KSR1: variants seen among roughly 807,000 people sequenced by gnomAD.
KSR1 encodes kinase suppressor of ras.
A neutral mutation model predicts 92.9 loss-of-function variants in KSR1; 35 were observed. That is an observed-to-expected ratio of 0.38 (90% confidence interval 0.29 to 0.50). The LOEUF is 0.50. Among genes scored for constraint, KSR1 ranks in the 20% least tolerant of loss-of-function variants. KSR1 has a pLI of 0.94. For synonymous variants in KSR1, 467 were observed against 472.6 expected (o/e 0.99, Z 0.15); for missense variants, 972 against 1,158.5 (o/e 0.84, Z 2.34).
chr17:27,512,069 C>G lies in KSR1; in HGVS notation c.232-38499C>G, dbSNP rs571300769. 2.6e-5 allele frequency among the ~76,000 whole-genome samples: 4 copies of G among 152,298 alleles called. No individual in the cohort carries two copies. In the South Asian group the frequency reaches 8.3e-4, roughly 32 times the overall value. On this transcript the variant is annotated intron_variant, in intron 1 of 20. Coordinates refer to ENST00000644974, the MANE Select transcript of KSR1 (RefSeq NM_001394583.1). Reference sequence around the variant, plus strand: ...CTGGAGTAGACCAGATCCTGAACCCCTTATCCCCTCATCAAGGTCCTGGTG... The same window carrying G: ...CTGGAGTAGACCAGATCCTGAACCCGTTATCCCCTCATCAAGGTCCTGGTG...
rs145390989 is a variant in KSR1 at position 27,469,993 on chromosome 17, AGTGTGTGTGTGTGTGT to A, written c.231+13146_231+13161del. On this transcript the variant is annotated intron_variant, in intron 1 of 20. Coordinates refer to ENST00000644974, the MANE Select transcript of KSR1 (RefSeq NM_001394583.1). ...ACTGGATCAAAGAGCATGGAGATGG[AGTGTGTGTGTGTGTGT>A]GTGTGTGTGTGTGTGTGTGTGTGTG... Among the ~76,000 whole-genome samples, 11 of 139,650 alleles carry A rather than the reference AGTGTGTGTGTGTGTGT, an allele frequency of 7.9e-5. 1 individual carries two copies. The highest frequency in any genetic ancestry group is 2.3e-4 in the South Asian group (1 of 4,388). The allele number at this position is 139,650 out of a possible 152,430, so 91.6% of individuals were successfully genotyped here. A position where few individuals can be genotyped will look rare whatever the true frequency, so the allele number is the denominator to read the frequency against.
At chr17:27,615,871 A>G (rs1318651573) in intron 18 of KSR1, among the ~76,000 whole-genome samples, 1 of 152,210 alleles carries the variant, frequency 6.6e-6, no homozygotes, top group Non-Finnish European at 1.5e-5. Flanking sequence ...TCCTCATATC[A>G]GGAGTAGAAT....
intron 10 of KSR1, among the ~76,000 whole-genome samples, chr17:27,598,069 T>C (rs2073411724): frequency 6.6e-6 from 1 of 151,850 alleles, no homozygotes; most frequent in African/African-American, 2.4e-5. Flanking sequence ...TGGGGAGAGG[T>C]CAGGATTCCA....
At chr17:27,543,831 G>C (rs941272703) in intron 1 of KSR1, among the ~76,000 whole-genome samples, 13 of 152,228 alleles carry the variant, frequency 8.5e-5, no homozygotes, top group African/African-American at 3.1e-4. Context: ...GTGGGTACAG[G>C]TCTTGGCCGT....
intron 1 of KSR1, among the ~76,000 whole-genome samples, chr17:27,548,539 C>T (rs1410415071): frequency 6.6e-6 from 1 of 151,396 alleles, no homozygotes; most frequent in Non-Finnish European, 1.5e-5. Context: ...GTGATCTGCC[C>T]ACCTTAGCCT....
chr17:27,538,625 C>T (rs1034137504), intron 1 of KSR1, among the ~76,000 whole-genome samples: 6 of 152,186 alleles, frequency 3.9e-5, no homozygotes, highest in Non-Finnish European at 8.8e-5. Context: ...GACTGGGCTG[C>T]GAGCCACTGA....
chr17:27,479,898 C>T (rs1171130689), intron 1 of KSR1, among the ~76,000 whole-genome samples: 3 of 151,978 alleles, frequency 2.0e-5, no homozygotes, highest in Admixed American at 6.6e-5. Flanking sequence ...GCTGCGGGGG[C>T]ACCTGGGTTG....
chr17:27,560,111 A>C (rs1350897931), intron 2 of KSR1, among the ~76,000 whole-genome samples: 1 of 151,982 alleles, frequency 6.6e-6, no homozygotes, highest in Non-Finnish European at 1.5e-5. Context: ...GATGGGAGGG[A>C]GCTCAGAGGC....
At chr17:27,592,674 C>A in intron 9 of KSR1, 48 bp downstream of exon 9, 1 of 1,506,736 alleles carries the variant, frequency 6.6e-7, no homozygotes, top group Non-Finnish European at 9.1e-7. Flanking sequence ...ACTGGCCTTC[C>A]TTCCTATAAA....
chr17:27,521,215 A>T (rs1567788073), intron 1 of KSR1, among the ~76,000 whole-genome samples: 1 of 152,066 alleles, frequency 6.6e-6, no homozygotes, highest in African/African-American at 2.4e-5. Flanking sequence ...AGTGATTCTG[A>T]TACACAGGGA....
intron 1 of KSR1, among the ~76,000 whole-genome samples, chr17:27,461,024 A>G (rs73983432): frequency 0.042 from 6,378 of 152,174 alleles, 415 homozygotes; most frequent in African/African-American, 0.14. Context: ...TGGGAACCCC[A>G]CTGAACCCTT....
Position 27,546,241 on chromosome 17 carries a change from A to G in KSR1, c.232-4327A>G, listed in dbSNP as rs139717013. ...CCAGGTGCTGTAGTAGGAACTGGGG[A>G]TATGAGGGAAATACGGTCCCTGCAC... On this transcript the variant is annotated intron_variant, in intron 1 of 20. Transcript: ENST00000644974. 1.8e-3 allele frequency among the ~76,000 whole-genome samples: 281 copies of G among 152,174 alleles called. 1 individual carries two copies. Among genetic ancestry groups the G allele is most frequent in the African/African-American group, 6.5e-3 (269 of 41,510 alleles).
At chr17:27,619,395 C>CTTTTTT (rs147046166) in intron 19 of KSR1, among the ~76,000 whole-genome samples, 1 of 131,886 alleles carries the variant, frequency 7.6e-6, no homozygotes, top group Non-Finnish European at 1.6e-5. Flanking sequence ...TGGGCTGTAT[C>CTTTTTT]TTTTTTTTTT....
At chr17:27,538,511 G>A (rs1199213666) in intron 1 of KSR1, among the ~76,000 whole-genome samples, 2 of 152,220 alleles carry the variant, frequency 1.3e-5, no homozygotes, top group East Asian at 3.8e-4. Context: ...TTCAAGGGAA[G>A]CTGAAAGTGG....
chr17:27,576,558 G>A (rs894911174), intron 2 of KSR1, among the ~76,000 whole-genome samples: 8 of 152,134 alleles, frequency 5.3e-5, no homozygotes, highest in African/African-American at 9.7e-5. Context: ...GGGAGAGGTC[G>A]TGGCAGTTGA....
chr17:27,516,479 G>A (rs766585755), intron 1 of KSR1, among the ~76,000 whole-genome samples: 1 of 152,000 alleles, frequency 6.6e-6, no homozygotes, highest in African/African-American at 2.4e-5. Flanking sequence ...CTTTGTCCTC[G>A]CTCCCTTTCT....
At chr17:27,471,701 T>G (rs565205599) in intron 1 of KSR1, among the ~76,000 whole-genome samples, 2 of 152,286 alleles carry the variant, frequency 1.3e-5, no homozygotes, top group East Asian at 3.9e-4. Flanking sequence ...CCCTCCGCCC[T>G]CCTGGCCGGG....
At chr17:27,532,359 G>T (rs1164833476) in intron 1 of KSR1, among the ~76,000 whole-genome samples, 1 of 152,212 alleles carries the variant, frequency 6.6e-6, no homozygotes, top group African/African-American at 2.4e-5. Flanking sequence ...AACAGGCCGT[G>T]GGAGAACTGG....
chr17:27,601,345 C>G lies in KSR1; in HGVS notation c.1469-15C>G. The stretch of plus-strand genomic sequence containing the variant: ...CCGTTCTGTGTGTGTGACTCACCTC[C>G]TCTTCTGTTTAAAGCTGCCTACTTC... On this transcript the variant is annotated splice_polypyrimidine_tract_variant and intron_variant, in intron 10 of 20. Transcript: ENST00000644974. 6.2e-7 allele frequency: 1 copy of G among 1,612,168 alleles called. No individual in the cohort carries two copies.
Sources: gnomAD v4.1 joint callset for allele counts (sites outside exome capture counted in the v4.1 genomes callset) on GRCh38, gnomAD v4.1.1 for gene constraint, MANE v1.5 for transcripts, NCBI Gene and HGNC (gene_info 2026-07-23, HGNC 2026-07-21) for gene names.